Variants in INSC observed in about 807,000 individuals in gnomAD.
INSC encodes protein inscuteable homolog.
In INSC, 67 loss-of-function variants were observed where a neutral mutation model predicts 58.6. That is an observed-to-expected ratio of 1.14 (90% CI 0.94 to 1.40). The LOEUF (loss-of-function observed/expected upper bound fraction) is 1.40. Among genes scored for constraint, INSC ranks in the 40% most tolerant of loss-of-function variants. INSC has a pLI of 0.00. For missense variants in INSC, 714 were observed against 692.0 expected (o/e 1.03, Z -0.36); for synonymous variants, 262 against 276.1 (o/e 0.95, Z 0.51).
At chr11:15,143,869 A>G (rs1001211131) in intron 1 of INSC, among the ~76,000 whole-genome samples, 1 of 152,066 alleles carries the variant, frequency 6.6e-6, no homozygotes, top group Non-Finnish European at 1.5e-5. Flanking sequence ...TAGACTGGGG[A>G]AGTCAAATTG....
intron 7 of INSC, among the ~76,000 whole-genome samples, chr11:15,220,408 T>C (rs778273697): frequency 6.6e-6 from 1 of 152,198 alleles, no homozygotes; most frequent in Non-Finnish European, 1.5e-5. Flanking sequence ...GAGCTAACCT[T>C]GACAAGCTCC....
At chr11:15,153,691 A>T (rs1474406045) in intron 2 of INSC, among the ~76,000 whole-genome samples, 1 of 152,244 alleles carries the variant, frequency 6.6e-6, no homozygotes, top group African/African-American at 2.4e-5. Context: ...GTTATTTTTA[A>T]GAAGAGAGGC....
At chr11:15,235,706 T>A (rs1852097225) in intron 10 of INSC, 38 bp downstream of exon 10, 1 of 1,536,454 alleles carries the variant, frequency 6.5e-7, no homozygotes, top group Non-Finnish European at 9.0e-7. Context: ...ATGTGGATTA[T>A]CTGGATGTAG....
At chr11:15,182,106 C>T (rs1590410646) in intron 5 of INSC, among the ~76,000 whole-genome samples, 1 of 152,188 alleles carries the variant, frequency 6.6e-6, no homozygotes, top group East Asian at 1.9e-4. Flanking sequence ...CTTTCCCAGC[C>T]ATAATTAAAA....
chr11:15,165,642 C>A (rs1018953766), intron 2 of INSC, among the ~76,000 whole-genome samples: 11 of 152,020 alleles, frequency 7.2e-5, no homozygotes, highest in Admixed American at 3.3e-4. Flanking sequence ...GTGGTGGTAC[C>A]CTGGTACCTA....
intron 9 of INSC, among the ~76,000 whole-genome samples, chr11:15,230,013 A>ATTTT (rs1491490993): frequency 5.0e-4 from 12 of 23,860 alleles, no homozygotes; most frequent in African/African-American, 2.1e-3. Flanking sequence ...ATATATATAT[A>ATTTT]ATATATATAT....
intron 5 of INSC, among the ~76,000 whole-genome samples, chr11:15,187,210 G>T (rs985900347): frequency 6.6e-6 from 1 of 152,192 alleles, no homozygotes; most frequent in Non-Finnish European, 1.5e-5. Context: ...CTGGGTGGAA[G>T]CTTCAAGGCC....
At chr11:15,264,215 C>A in the INSC span, among the ~76,000 whole-genome samples, 8 of 129,282 alleles carry the variant, frequency 6.2e-5, 1 homozygote, top group Non-Finnish European at 1.1e-4. Flanking sequence ...ATCCTGGAGG[C>A]CTCTCTCTGG....
At chr11:15,249,308 A>G (rs530440098), downstream of INSC, among the ~76,000 whole-genome samples, 1 of 152,360 alleles carries the variant, frequency 6.6e-6, no homozygotes, top group East Asian at 1.9e-4. Context: ...AAAAGCAACC[A>G]GTATTACTTT....
chr11:15,132,810 G>A (rs965490948), intron 1 of INSC, among the ~76,000 whole-genome samples: 1 of 152,084 alleles, frequency 6.6e-6, no homozygotes, highest in Admixed American at 6.5e-5. Flanking sequence ...ATGGAATTTT[G>A]GGACAATTAT....
intron 1 of INSC, among the ~76,000 whole-genome samples, chr11:15,143,167 G>A (rs1402270282): frequency 6.6e-6 from 1 of 152,166 alleles, no homozygotes; most frequent in Admixed American, 6.5e-5. Context: ...CACCTTCGGG[G>A]GAGAAAGACA....
At chr11:15,256,684 T>G in the INSC span, among the ~76,000 whole-genome samples, 1 of 152,230 alleles carries the variant, frequency 6.6e-6, no homozygotes, top group East Asian at 1.9e-4. Flanking sequence ...GAGATGGGGT[T>G]TCACCATGTT....
intron 9 of INSC, among the ~76,000 whole-genome samples, chr11:15,230,030 A>G: frequency 1.4e-5 from 1 of 70,026 alleles, no homozygotes; most frequent in Non-Finnish European, 2.6e-5. Flanking sequence ...ATATATATAT[A>G]TATATATATA....
chr11:15,185,209 G>C (rs922065521), intron 5 of INSC, among the ~76,000 whole-genome samples: 2 of 152,170 alleles, frequency 1.3e-5, no homozygotes, highest in Admixed American at 1.3e-4. Context: ...AGATTGCTAT[G>C]TGATTACATA....
chr11:15,249,533 A>G (rs1053103183), downstream of INSC, among the ~76,000 whole-genome samples: 1 of 152,188 alleles, frequency 6.6e-6, no homozygotes, highest in Admixed American at 6.5e-5. Context: ...ACAGATATTC[A>G]GGGAACTACC....
At chr11:15,132,813 A>T (rs1002145826) in intron 1 of INSC, among the ~76,000 whole-genome samples, 1 of 152,170 alleles carries the variant, frequency 6.6e-6, no homozygotes, top group Admixed American at 6.5e-5. Flanking sequence ...GAATTTTGGG[A>T]CAATTATTTT....
At chr11:15,192,422 C>T (rs1850214367) in intron 6 of INSC, among the ~76,000 whole-genome samples, 1 of 152,244 alleles carries the variant, frequency 6.6e-6, no homozygotes, top group African/African-American at 2.4e-5. Flanking sequence ...GACACGCTCC[C>T]ACCTGTGGTG....
At chr11:15,207,838 G>A (rs1850867465) in intron 7 of INSC, among the ~76,000 whole-genome samples, 1 of 152,150 alleles carries the variant, frequency 6.6e-6, no homozygotes, top group African/African-American at 2.4e-5. Context: ...GCTTTTCACG[G>A]TCATTTTGTA....
intron 5 of INSC, among the ~76,000 whole-genome samples, chr11:15,180,257 C>CA (rs913742036): frequency 9.3e-5 from 14 of 150,518 alleles, no homozygotes; most frequent in South Asian, 4.2e-4. Flanking sequence ...GACTCCGTCT[C>CA]AAAAAAAACA....
Sources: allele counts gnomAD v4.1 joint callset (sites outside exome capture counted in the v4.1 genomes callset), GRCh38; gene constraint gnomAD v4.1.1; transcripts MANE v1.5; gene names NCBI Gene and HGNC (gene_info 2026-07-23, HGNC 2026-07-21).